Variants in SEL1L3 observed in about 807,000 individuals in gnomAD.
SEL1L3 encodes SEL1L family member 3, also known as protein sel-1 homolog 3.
A neutral mutation model predicts 142.8 loss-of-function variants in SEL1L3; 76 were observed. The ratio of observed to expected loss-of-function variants is 0.53; its 90% CI spans 0.44 to 0.64. The LOEUF is 0.64. Among genes scored for constraint, SEL1L3 ranks in the 30% least tolerant of loss-of-function variants. The pLI is 0.00. For synonymous variants in SEL1L3, 504 were observed against 519.6 expected (o/e 0.97, Z 0.41); for missense variants, 1,262 against 1,381.7 (o/e 0.91, Z 1.37).
At chr4:25,838,459 G>A (rs1715971043) in intron 2 of SEL1L3, among the ~76,000 whole-genome samples, 1 of 152,210 alleles carries the variant, frequency 6.6e-6, no homozygotes, top group Non-Finnish European at 1.5e-5. Context: ...ATAGCTAGAA[G>A]AAGCTCTAAT....
At chr4:25,858,562 G>GT (rs201600853) in intron 1 of SEL1L3, among the ~76,000 whole-genome samples, 157 of 151,096 alleles carry the variant, frequency 1.0e-3, no homozygotes, top group East Asian at 7.2e-3. Context: ...TTTTGTTTTT[G>GT]TTTTTTTTGA....
intron 9 of SEL1L3, among the ~76,000 whole-genome samples, chr4:25,807,179 T>G (rs1468156255): frequency 1.3e-5 from 2 of 152,242 alleles, no homozygotes; most frequent in Admixed American, 6.5e-5. Context: ...AGTATTGCAT[T>G]CCGTAGCTGT....
At chr4:25,856,603 A>C (rs978896720) in intron 1 of SEL1L3, among the ~76,000 whole-genome samples, 16 of 148,920 alleles carry the variant, frequency 1.1e-4, no homozygotes, top group African/African-American at 3.6e-4. Context: ...TAAAAAAAAA[A>C]AAAAAAAAAA....
Position 25,747,645 on chromosome 4 carries a change from G to C in SEL1L3, c.*780C>G, listed in dbSNP as rs1219875791. On this transcript the variant is annotated 3_prime_UTR_variant, in exon 24 of 24. Coordinates refer to ENST00000399878, the MANE Select transcript of SEL1L3 (RefSeq NM_015187.5). Reference sequence around the variant, plus strand: ...TCACGCAGGCATGAGGGGTAGGGATGAAACTATAAGCTAGAGGCTTACTTG... The same window carrying C: ...TCACGCAGGCATGAGGGGTAGGGATCAAACTATAAGCTAGAGGCTTACTTG... The C allele has an allele frequency of 6.6e-6, 1 of 152,026 alleles. No homozygotes were observed. The highest frequency in any genetic ancestry group is 1.5e-5 in the Non-Finnish European group (1 of 68,034). 9.4% of individuals were successfully genotyped at this position (152,026 alleles called of 1,614,324 possible).
At chr4:25,758,892 T>C (rs762190201) in intron 21 of SEL1L3, 49 bp downstream of exon 21, 1 of 1,556,162 alleles carries the variant, frequency 6.4e-7, no homozygotes, top group Admixed American at 2.0e-5. Context: ...GCGAACATCA[T>C]CTACTTGGGT....
At chr4:25,843,366 G>A (rs1467937412) in intron 2 of SEL1L3, among the ~76,000 whole-genome samples, 3 of 152,294 alleles carry the variant, frequency 2.0e-5, no homozygotes, top group East Asian at 1.9e-4. Context: ...GCTTAGACCA[G>A]GATGACGGCA....
intron 23 of SEL1L3, among the ~76,000 whole-genome samples, chr4:25,752,820 C>T (rs1213511788): frequency 2.6e-5 from 4 of 152,200 alleles, no homozygotes; most frequent in Non-Finnish European, 5.9e-5. Flanking sequence ...GGGGTTTCAC[C>T]ATGTTGGTCA....
Position 25,830,084 on chromosome 4 carries a change from A to T in SEL1L3, c.1157+14T>A. On this transcript the variant is annotated intron_variant, in intron 6 of 23. Transcript: ENST00000399878. ...TGCAGGCAAATTTTGAATAAAAAGA[A>T]AAATCGCACTTACCTAATGGTCTGA... 1 of 1,593,370 alleles carries T rather than the reference A, an allele frequency of 6.3e-7. No individual in the cohort carries two copies. The highest frequency in any genetic ancestry group is 1.3e-5 in the African/African-American group (1 of 74,584).
At chr4:25,717,124 C>T in the SEL1L3 span, among the ~76,000 whole-genome samples, 4 of 151,926 alleles carry the variant, frequency 2.6e-5, no homozygotes, top group East Asian at 7.7e-4. Flanking sequence ...GAGACCCTGT[C>T]TTGAAAAACA....
chr4:25,743,480 C>T (rs990109591), downstream of SEL1L3, among the ~76,000 whole-genome samples: 4 of 152,098 alleles, frequency 2.6e-5, no homozygotes, highest in East Asian at 1.9e-4. Context: ...AAAGTCGTGA[C>T]GACATGTGCC....
chr4:25,720,073 T>A, the SEL1L3 span: 1 of 152,162 alleles, frequency 6.6e-6, no homozygotes, highest in African/African-American at 2.4e-5. Context: ...TTGAAATCAT[T>A]TATTTTGACT....
At chr4:25,834,124 C>T (rs1715614907) in intron 3 of SEL1L3, among the ~76,000 whole-genome samples, 1 of 152,180 alleles carries the variant, frequency 6.6e-6, no homozygotes, top group Non-Finnish European at 1.5e-5. Flanking sequence ...GTATCACGGT[C>T]CTGGCTGACC....
At chr4:25,811,732 G>A (rs1714034596) in intron 9 of SEL1L3, among the ~76,000 whole-genome samples, 2 of 149,988 alleles carry the variant, frequency 1.3e-5, no homozygotes, top group Non-Finnish European at 2.9e-5. Flanking sequence ...CTATCTTTGA[G>A]GAGTTTTCTT....
intron 11 of SEL1L3, among the ~76,000 whole-genome samples, chr4:25,800,406 C>T (rs768774340): frequency 4.6e-4 from 70 of 152,310 alleles, no homozygotes; most frequent in South Asian, 6.2e-4. Context: ...AGCTGCAAGA[C>T]GGATCTTTTC....
At chr4:25,846,239 A>C (rs1392797161) in intron 2 of SEL1L3, among the ~76,000 whole-genome samples, 2 of 152,294 alleles carry the variant, frequency 1.3e-5, no homozygotes, top group Non-Finnish European at 2.9e-5. Context: ...CTCCAGCCCC[A>C]CGGCTTAAGG....
downstream of SEL1L3, among the ~76,000 whole-genome samples, chr4:25,746,488 G>A (rs1224681107): frequency 2.5e-5 from 3 of 120,406 alleles, no homozygotes; most frequent in African/African-American, 3.8e-5. Context: ...CAGCCTGGGC[G>A]ACAGAGCAAT....
At position 25,818,150 on chromosome 4, in the gene SEL1L3, C is replaced by A; in HGVS notation, c.1552G>T (p.Asp518Tyr). The A allele has an allele frequency of 1.2e-6, 2 of 1,611,512 alleles. No homozygotes were observed. Among genetic ancestry groups the A allele is most frequent in the Non-Finnish European group, 1.7e-6 (2 of 1,178,878 alleles). ...PSLFQALLEM[D>Y]LLTVPRNQNE... ...AAGACTCAATTACCGGTCAGCAGAT[C>A]CATCTCCAGCAATGCCTGGAACAAG... is the stretch of plus-strand genomic sequence containing the variant. Residue 518 changes from aspartate (D) to tyrosine (Y), a missense_variant, in exon 9 of 24, where the codon GAT becomes TAT. Transcript: ENST00000399878.
chr4:25,733,046 A>T, the SEL1L3 span, among the ~76,000 whole-genome samples: 9 of 148,802 alleles, frequency 6.0e-5, no homozygotes, highest in Admixed American at 1.4e-4. Flanking sequence ...GCGCCTGGCG[A>T]GTCCTCTAAC....
intron 17 of SEL1L3, among the ~76,000 whole-genome samples, chr4:25,775,717 C>T (rs1719565256): frequency 6.6e-6 from 1 of 152,134 alleles, no homozygotes; most frequent in South Asian, 2.1e-4. Context: ...CCATAAAGAA[C>T]AAGATGAGAT....
Sources: allele counts gnomAD v4.1 joint callset (sites outside exome capture counted in the v4.1 genomes callset), GRCh38; gene constraint gnomAD v4.1.1; transcripts MANE v1.5; gene names NCBI Gene and HGNC (gene_info 2026-07-23, HGNC 2026-07-21).